Variants in LRFN5 observed in about 807,000 individuals in gnomAD.
LRFN5 encodes leucine rich repeat and fibronectin type III domain containing 5.
Under a neutral mutation model 45.6 loss-of-function variants are expected in LRFN5, and 24 were observed. That is an observed-to-expected ratio of 0.53 (90% CI 0.38 to 0.74). The LOEUF is 0.74. Ranked by LOEUF, LRFN5 falls within the 30% of genes least tolerant of loss-of-function variation. The pLI, the probability that LRFN5 is intolerant of heterozygous loss-of-function variation, is 0.00. For missense variants in LRFN5, 776 were observed against 861.5 expected (o/e 0.90, Z 1.24); for synonymous variants, 340 against 313.8 (o/e 1.08, Z -0.88).
At chr14:41,853,783 C>T (rs1339584451) in intron 2 of LRFN5, among the ~76,000 whole-genome samples, 1 of 151,982 alleles carries the variant, frequency 6.6e-6, no homozygotes, top group Non-Finnish European at 1.5e-5. Context: ...GGAATAGAAG[C>T]TGGAAGAAGT....
chr14:41,869,079 A>G (rs1029920270), intron 2 of LRFN5, among the ~76,000 whole-genome samples: 4 of 152,146 alleles, frequency 2.6e-5, no homozygotes, highest in Admixed American at 2.0e-4. Flanking sequence ...TATTTTGTCA[A>G]CATTATGCTT....
chr14:41,793,002 G>C (rs192397180), intron 2 of LRFN5, among the ~76,000 whole-genome samples: 1 of 139,366 alleles, frequency 7.2e-6, no homozygotes, highest in African/African-American at 2.7e-5. Context: ...CTGTTGTGGG[G>C]TTGGGGGAGG....
intron 5 of LRFN5, among the ~76,000 whole-genome samples, 192 bp downstream of exon 5, chr14:41,899,152 A>G (rs960954212): frequency 6.6e-6 from 1 of 152,106 alleles, no homozygotes; most frequent in Non-Finnish European, 1.5e-5. Context: ...CTAAATTTAG[A>G]GATATTTGGG....
At chr14:41,788,316 A>G (rs1003719929) in intron 2 of LRFN5, among the ~76,000 whole-genome samples, 2 of 152,046 alleles carry the variant, frequency 1.3e-5, no homozygotes, top group East Asian at 1.9e-4. Context: ...TGCCACTTCA[A>G]TTATATGTAT....
chr14:41,745,805 CA>C (rs1285263554), intron 1 of LRFN5, among the ~76,000 whole-genome samples: 4 of 151,782 alleles, frequency 2.6e-5, no homozygotes, highest in African/African-American at 9.7e-5. Context: ...CAAAACTTAC[CA>C]AAATTAACCC....
intron 1 of LRFN5, among the ~76,000 whole-genome samples, chr14:41,765,591 T>C (rs1389553364): frequency 2.6e-5 from 4 of 152,164 alleles, no homozygotes; most frequent in African/African-American, 9.6e-5. Flanking sequence ...AATATATTCA[T>C]GGAAGGAAAT....
chr14:41,664,983 T>G (rs1462069341), intron 1 of LRFN5, among the ~76,000 whole-genome samples: 1 of 152,080 alleles, frequency 6.6e-6, no homozygotes, highest in Non-Finnish European at 1.5e-5. Context: ...CATGATAATT[T>G]GTCAGTAAAC....
intron 2 of LRFN5, among the ~76,000 whole-genome samples, chr14:41,877,167 C>G (rs559991991): frequency 6.6e-6 from 1 of 152,210 alleles, no homozygotes; most frequent in African/African-American, 2.4e-5. Context: ...GTGAGAATAT[C>G]GCTTACATTT....
intron 1 of LRFN5, among the ~76,000 whole-genome samples, chr14:41,654,768 A>G (rs923165209): frequency 5.3e-5 from 8 of 152,064 alleles, no homozygotes; most frequent in African/African-American, 1.9e-4. Context: ...TTTAAACAGC[A>G]GTCTTATAAA....
chr14:41,893,415 C>G (rs1890847002), intron 4 of LRFN5: 2 of 985,024 alleles, frequency 2.0e-6, no homozygotes, highest in South Asian at 9.4e-5. Context: ...GAGAATAAGG[C>G]TCACCTGAGA....
At chr14:41,611,639 C>T (rs1341423138) in intron 1 of LRFN5, among the ~76,000 whole-genome samples, 2 of 152,100 alleles carry the variant, frequency 1.3e-5, no homozygotes, top group African/African-American at 2.4e-5. Context: ...ATTTTTTTCC[C>T]TTTCTCTTTT....
chr14:41,756,989 G>T (rs1311717919), intron 1 of LRFN5, among the ~76,000 whole-genome samples: 2 of 152,186 alleles, frequency 1.3e-5, no homozygotes, highest in African/African-American at 2.4e-5. Context: ...AGGACCCCCA[G>T]CTGCAAGTCT....
intron 3 of LRFN5, among the ~76,000 whole-genome samples, chr14:41,889,925 A>G (rs1890716289): frequency 6.6e-6 from 1 of 152,084 alleles, no homozygotes; most frequent in Non-Finnish European, 1.5e-5. Context: ...GTGAAGTGGC[A>G]CAATCTCGGC....
At position 41,719,823 on chromosome 14, in the gene LRFN5, C is replaced by A. The variant is rs570722915; in HGVS notation, c.-196-47031C>A. ...GGATATATACCCAGTTATGCGATTGCTATGTTAGAAAATTAATTACTTTGA... is the reference window on the plus strand; with the variant it reads ...GGATATATACCCAGTTATGCGATTGATATGTTAGAAAATTAATTACTTTGA... On this transcript the variant is annotated intron_variant, in intron 1 of 5. Transcript: ENST00000298119. Among the ~76,000 whole-genome samples the A allele has an allele frequency of 4.6e-5, 7 of 151,734 alleles. No individual in the cohort carries two copies. The East Asian group carries it at 1.4e-3, about 29-fold the overall frequency.
At chr14:41,692,193 T>G (rs1882406713) in intron 1 of LRFN5, among the ~76,000 whole-genome samples, 2 of 152,138 alleles carry the variant, frequency 1.3e-5, no homozygotes, top group Non-Finnish European at 2.9e-5. Flanking sequence ...CACTCCCAAC[T>G]TGTACAAAAG....
At chr14:41,779,559 C>T (rs1419375958) in intron 2 of LRFN5, among the ~76,000 whole-genome samples, 3 of 151,842 alleles carry the variant, frequency 2.0e-5, no homozygotes, top group Non-Finnish European at 4.4e-5. Context: ...ATAATTTCCC[C>T]TTACGTGTTT....
chr14:41,707,025 C>T (rs141052681), intron 1 of LRFN5, among the ~76,000 whole-genome samples: 1,578 of 152,250 alleles, frequency 0.01, 9 homozygotes, highest in East Asian at 0.02. Context: ...GGTGCACTTG[C>T]TCCCTCCCTT....
intron 1 of LRFN5, among the ~76,000 whole-genome samples, chr14:41,701,968 G>A (rs1049586742): frequency 6.6e-6 from 1 of 152,094 alleles, no homozygotes; most frequent in Non-Finnish European, 1.5e-5. Context: ...AGGAGCACTG[G>A]TAGGTAGTGC....
chr14:41,791,755 A>C (rs1886929272), intron 2 of LRFN5, among the ~76,000 whole-genome samples: 1 of 152,126 alleles, frequency 6.6e-6, no homozygotes, highest in Non-Finnish European at 1.5e-5. Flanking sequence ...ACTTTCAGGT[A>C]ATACTGCTGC....
Sources: allele counts gnomAD v4.1 joint callset (sites outside exome capture counted in the v4.1 genomes callset), GRCh38; gene constraint gnomAD v4.1.1; transcripts MANE v1.5; gene names NCBI Gene and HGNC (gene_info 2026-07-23, HGNC 2026-07-21).